CACNA2D1: variants seen among roughly 807,000 people sequenced by gnomAD.
The protein encoded by CACNA2D1 is calcium voltage-gated channel auxiliary subunit alpha2delta 1, also known as voltage-dependent calcium channel subunit alpha-2/delta-1.
A neutral mutation model predicts 171.5 loss-of-function variants in CACNA2D1; 53 were observed. That is an observed-to-expected ratio of 0.31 (90% CI 0.25 to 0.39). The LOEUF (loss-of-function observed/expected upper bound fraction) is 0.39, where lower values mean the gene tolerates loss of function less well. Ranked by LOEUF, CACNA2D1 falls within the 10% of genes least tolerant of loss-of-function variation. The probability of loss-of-function intolerance (pLI) is 1.00; values close to 1 mark genes in which losing one functional copy is unlikely to be tolerated. For missense variants in CACNA2D1, 903 were observed against 1,299.8 expected, an observed-to-expected ratio of 0.69 and a Z score of 4.69; for synonymous variants, 442 against 443.1, an observed-to-expected ratio of 1.00 and a Z score of 0.03.
At chr7:82,293,753 ATAATT>A (rs1176701146) in intron 3 of CACNA2D1, among the ~76,000 whole-genome samples, 1 of 152,186 alleles carries the variant, frequency 6.6e-6, no homozygotes, top group Non-Finnish European at 1.5e-5. Context: ...ATCTGGGAAT[ATAATT>A]TATTTTAAAC....
chr7:82,168,867 G>A (rs1260383738), intron 4 of CACNA2D1, among the ~76,000 whole-genome samples: 1 of 151,980 alleles, frequency 6.6e-6, no homozygotes, highest in Non-Finnish European at 1.5e-5. Flanking sequence ...CTTTGAACAG[G>A]GAATGTATAA....
rs529536811 is a variant in CACNA2D1, at chr7:82,102,304, G to GA, written c.526+14739dup. ...AATTTTGATTTTGAAACATCTTGGG[G>GA]AAAAAAAATCCTGAGAAGCAGAGGA... On this transcript the variant is annotated intron_variant, in intron 6 of 38. Coordinates refer to ENST00000356860, the MANE Select transcript of CACNA2D1 (RefSeq NM_000722.4). Among the ~76,000 whole-genome samples the GA allele has an allele frequency of 5.2e-3, 795 of 151,610 alleles. 12 individuals are homozygous for GA. Among genetic ancestry groups the GA allele is most frequent in the Non-Finnish European group, 5.4e-3 (369 of 67,842 alleles).
At chr7:82,399,668 T>C (rs1028702394) in intron 1 of CACNA2D1, among the ~76,000 whole-genome samples, 2 of 151,298 alleles carry the variant, frequency 1.3e-5, no homozygotes. Context: ...AATTAGAAGA[T>C]TCCATCTCCC....
At chr7:82,253,526 C>T (rs963718088) in intron 3 of CACNA2D1, among the ~76,000 whole-genome samples, 8 of 152,022 alleles carry the variant, frequency 5.3e-5, no homozygotes, top group Non-Finnish European at 1.2e-4. Context: ...ACAAGGAAAT[C>T]TAAAAGATAC....
chr7:82,384,752 T>C (rs1369516113), intron 1 of CACNA2D1, among the ~76,000 whole-genome samples: 1 of 152,208 alleles, frequency 6.6e-6, no homozygotes. Context: ...TTGTCTTGTA[T>C]ATAAATGACA....
chr7:82,091,269 C>T lies in CACNA2D1; in HGVS notation c.527-6369G>A, dbSNP rs528400542. On this transcript the variant is annotated intron_variant, in intron 6 of 38. Transcript: ENST00000356860. ...ATGTCTCGGGCACCAGAATCCACCT[C>T]GCACTGAGGATGGGAGAGCAGAAGG... Among the ~76,000 whole-genome samples, 6 of 152,280 alleles carry T rather than the reference C, an allele frequency of 3.9e-5. No individual in the cohort carries two copies. The East Asian group carries it at 5.8e-4, about 15-fold the overall frequency.
In CACNA2D1 at chr7:81,964,327, G is replaced by A; in HGVS notation, c.2607C>T (p.Ser869=). Residue 869 remains serine, a synonymous_variant, in exon 33 of 39, where the codon AGC becomes AGT. Transcript: ENST00000356860. ...IGRFFGEIDP[S]LMRHLVNISV... is the part of the protein sequence containing the mutation. ...ATATATTAACCAGGTGTCTCATCAA[G>A]CTGGGATCAATCTCTCCAAAAAATC... 9 of 1,611,908 alleles carry A rather than the reference G, an allele frequency of 5.6e-6. No homozygotes were observed. The highest frequency in any genetic ancestry group is 6.8e-6 in the Non-Finnish European group (8 of 1,178,656).
At chr7:82,154,021 T>C (rs1404160624) in intron 4 of CACNA2D1, among the ~76,000 whole-genome samples, 1 of 152,190 alleles carries the variant, frequency 6.6e-6, no homozygotes, top group Non-Finnish European at 1.5e-5. Flanking sequence ...AAGGAAATCA[T>C]GATCACTAGC....
At chr7:82,200,940 G>A (rs1007224906) in intron 3 of CACNA2D1, among the ~76,000 whole-genome samples, 2 of 152,200 alleles carry the variant, frequency 1.3e-5, no homozygotes, top group Non-Finnish European at 2.9e-5. Context: ...TATATGTTAT[G>A]CATGGGTAAC....
chr7:82,192,678 A>G (rs1798458997), intron 3 of CACNA2D1, among the ~76,000 whole-genome samples: 1 of 151,134 alleles, frequency 6.6e-6, no homozygotes, highest in African/African-American at 2.4e-5. Flanking sequence ...AGATAATCCT[A>G]TGTCTTCTAT....
At chr7:82,223,587 T>A (rs566810860) in intron 3 of CACNA2D1, among the ~76,000 whole-genome samples, 1 of 152,184 alleles carries the variant, frequency 6.6e-6, no homozygotes, top group Non-Finnish European at 1.5e-5. Flanking sequence ...TAATAATACA[T>A]CCTGTTTCAG....
chr7:82,431,595 T>A (rs942680671), intron 1 of CACNA2D1, among the ~76,000 whole-genome samples: 2 of 152,168 alleles, frequency 1.3e-5, no homozygotes, highest in Non-Finnish European at 2.9e-5. Context: ...CAGGTAAGTG[T>A]AGGAATCTAG....
At chr7:82,160,675 C>T (rs73387946) in intron 4 of CACNA2D1, among the ~76,000 whole-genome samples, 57,646 of 151,728 alleles carry the variant, frequency 0.38, 11,032 homozygotes, top group Middle Eastern at 0.46. Flanking sequence ...GGTCTCCTTA[C>T]GTGGCCCAGG....
intron 1 of CACNA2D1, among the ~76,000 whole-genome samples, chr7:82,355,511 A>C (rs559798209): frequency 6.6e-6 from 1 of 152,256 alleles, no homozygotes; most frequent in African/African-American, 2.4e-5. Flanking sequence ...AGAACAATGG[A>C]TGGTACTTGT....
intron 38 of CACNA2D1, among the ~76,000 whole-genome samples, chr7:81,956,361 C>A (rs1035131389): frequency 1.3e-5 from 2 of 151,976 alleles, no homozygotes; most frequent in South Asian, 2.1e-4. Flanking sequence ...AACTGATAAC[C>A]TATAAATCTT....
chr7:81,967,236 C>CACTTTTAAAATCCA, intron 30 of CACNA2D1, 29 bp from the exon 31 acceptor site: 1 of 1,586,780 alleles, frequency 6.3e-7, no homozygotes, highest in Non-Finnish European at 8.6e-7. Flanking sequence ...ATTATCACCT[C>CACTTTTAAAATCCA]ACTTTTAAAA....
rs1220866282 is a variant in CACNA2D1 at position 81,949,745 on chromosome 7, C to G, written c.*647G>C. ...AATTTCTTAGTTACTATTTTCAAAC[C>G]ATCAATTCATTACCCCATCAAAATT... On this transcript the variant is annotated 3_prime_UTR_variant, in exon 39 of 39. Coordinates refer to ENST00000356860, the MANE Select transcript of CACNA2D1 (RefSeq NM_000722.4). 1.3e-5 allele frequency: 2 copies of G among 152,104 alleles called. No homozygotes were observed. Among genetic ancestry groups the G allele is most frequent in the Non-Finnish European group, 2.9e-5 (2 of 68,030 alleles). The allele number at this position is 152,104 out of a possible 1,614,324, so 9.4% of individuals were successfully genotyped here.
chr7:82,233,862 A>G (rs1343883447), intron 3 of CACNA2D1, among the ~76,000 whole-genome samples: 1 of 152,118 alleles, frequency 6.6e-6, no homozygotes, highest in Non-Finnish European at 1.5e-5. Flanking sequence ...TTCACATGCT[A>G]TTTTAGAAGG....
At chr7:82,216,687 A>G (rs1477576841) in intron 3 of CACNA2D1, among the ~76,000 whole-genome samples, 1 of 152,158 alleles carries the variant, frequency 6.6e-6, no homozygotes, top group Non-Finnish European at 1.5e-5. Context: ...TTTGTCAAGC[A>G]TTTCAGCTAT....
Sources: allele counts gnomAD v4.1 joint callset (sites outside exome capture counted in the v4.1 genomes callset), GRCh38; gene constraint gnomAD v4.1.1; transcripts MANE v1.5; gene names NCBI Gene and HGNC (gene_info 2026-07-23, HGNC 2026-07-21).